Variants in ITPKB observed in about 807,000 individuals in gnomAD.
The protein encoded by ITPKB is IP3 3-kinase B.
Under a neutral mutation model 69.4 loss-of-function variants are expected in ITPKB, and 13 were observed. The observed-to-expected ratio is 0.19, with a 90% confidence interval of 0.12 to 0.30. The LOEUF (loss-of-function observed/expected upper bound fraction) is 0.30, where lower values mean the gene tolerates loss of function less well. Ranked by LOEUF, ITPKB falls within the 10% of genes least tolerant of loss-of-function variation. The pLI, the probability that ITPKB is intolerant of heterozygous loss-of-function variation, is 1.00. For missense variants in ITPKB, 1,240 were observed against 1,250.5 expected, an observed-to-expected ratio of 0.99 and a Z score of 0.13; for synonymous variants, 584 against 513.7, an observed-to-expected ratio of 1.14 and a Z score of -1.85.
At chr1:226,668,727 A>G (rs2102764235) in intron 2 of ITPKB, among the ~76,000 whole-genome samples, 1 of 152,390 alleles carries the variant, frequency 6.6e-6, no homozygotes, top group East Asian at 1.9e-4. Context: ...CAAAATTAAC[A>G]GGAATAAAAA....
intron 2 of ITPKB, among the ~76,000 whole-genome samples, chr1:226,732,993 C>A (rs527640973): frequency 6.6e-6 from 1 of 152,168 alleles, no homozygotes; most frequent in Non-Finnish European, 1.5e-5. Flanking sequence ...AGGCTTAACT[C>A]TGTGGGAAGG....
intron 2 of ITPKB, among the ~76,000 whole-genome samples, chr1:226,693,207 T>C (rs1467358895): frequency 2.0e-5 from 3 of 152,134 alleles, no homozygotes; most frequent in Non-Finnish European, 1.5e-5. Flanking sequence ...GCAGTTTCTG[T>C]TGGGAATAGT....
At chr1:226,696,815 T>C (rs1348431750) in intron 2 of ITPKB, among the ~76,000 whole-genome samples, 2 of 152,212 alleles carry the variant, frequency 1.3e-5, no homozygotes, top group Non-Finnish European at 2.9e-5. Flanking sequence ...AGAGGTGATG[T>C]AGCCCAAGCC....
At chr1:226,704,816 C>G (rs1010842716) in intron 2 of ITPKB, among the ~76,000 whole-genome samples, 1 of 152,230 alleles carries the variant, frequency 6.6e-6, no homozygotes, top group Non-Finnish European at 1.5e-5. Flanking sequence ...ACAGCCTCGA[C>G]TTCATTTGAA....
chr1:226,652,918 C>T (rs1304568218), intron 2 of ITPKB, among the ~76,000 whole-genome samples: 1 of 152,144 alleles, frequency 6.6e-6, no homozygotes, highest in Non-Finnish European at 1.5e-5. Context: ...AGTGGATGTG[C>T]TGGGTTTCTT....
intron 2 of ITPKB, among the ~76,000 whole-genome samples, chr1:226,694,306 A>G (rs2102783104): frequency 6.6e-6 from 1 of 152,352 alleles, no homozygotes; most frequent in East Asian, 1.9e-4. Flanking sequence ...AGCTGTTAGA[A>G]CAACTATACC....
intron 2 of ITPKB, among the ~76,000 whole-genome samples, chr1:226,651,940 A>G (rs931721456): frequency 9.2e-5 from 14 of 152,208 alleles, no homozygotes; most frequent in Non-Finnish European, 1.5e-5. Flanking sequence ...CCACGTGGCC[A>G]AGGCCCTGAG....
chr1:226,725,275 A>C (rs1657374259), intron 2 of ITPKB, among the ~76,000 whole-genome samples: 1 of 152,220 alleles, frequency 6.6e-6, no homozygotes, highest in Non-Finnish European at 1.5e-5. Context: ...AGGTGTCTGC[A>C]GACAAGGGTA....
Position 226,737,588 on chromosome 1 carries a change from G to A in ITPKB, c.-130C>T, listed in dbSNP as rs1412357439. ...CGCGGCTCCGCGCGCAGATGGGGCG[G>A]CATGGCCTGGGCAGCGGGCTGGGGG... On this transcript the variant is annotated 5_prime_UTR_variant, in exon 2 of 8. Coordinates refer to ENST00000429204, the MANE Select transcript of ITPKB (RefSeq NM_002221.4). 10 of 1,189,550 alleles carry A rather than the reference G, an allele frequency of 8.4e-6. No homozygotes were observed. The African/African-American group carries it at 1.3e-4, about 15-fold the overall frequency. 73.7% of individuals were successfully genotyped at this position (1,189,550 alleles called of 1,614,324 possible).
intron 2 of ITPKB, among the ~76,000 whole-genome samples, chr1:226,732,470 T>C (rs1455458626): frequency 2.0e-5 from 3 of 151,936 alleles, no homozygotes; most frequent in Non-Finnish European, 4.4e-5. Flanking sequence ...ACTCCTGACC[T>C]CAAGTGATCC....
At chr1:226,732,602 A>G (rs1289788299) in intron 2 of ITPKB, among the ~76,000 whole-genome samples, 2 of 151,880 alleles carry the variant, frequency 1.3e-5, no homozygotes, top group East Asian at 3.8e-4. Flanking sequence ...AATCAATAAA[A>G]ATCTATTTTT....
At chr1:226,701,612 A>AC (rs1656641524) in intron 2 of ITPKB, among the ~76,000 whole-genome samples, 1 of 148,264 alleles carries the variant, frequency 6.7e-6, no homozygotes, top group African/African-American at 2.4e-5. Flanking sequence ...TCAAAAAAAA[A>AC]AAAAAAAAAA....
At chr1:226,683,645 A>G (rs1009879111) in intron 2 of ITPKB, among the ~76,000 whole-genome samples, 1 of 151,998 alleles carries the variant, frequency 6.6e-6, no homozygotes, top group South Asian at 2.1e-4. Flanking sequence ...ACATGCAACT[A>G]ATCTAAGCTC....
rs1668908688 is a variant in ITPKB, at chr1:226,639,563, G to T, written c.2547C>A (p.Asn849Lys). 2 of 1,604,480 alleles carry T rather than the reference G, an allele frequency of 1.2e-6. No homozygotes were observed. Among genetic ancestry groups the T allele is most frequent in the East Asian group, 4.5e-5 (2 of 44,834 alleles). ...CTGGAGGTGCCAGACTCACCAGGATGTTATGGTTTCCTTTAGTGAACTCTC... is the reference window on the plus strand; with the variant it reads ...CTGGAGGTGCCAGACTCACCAGGATTTTATGGTTTCCTTTAGTGAACTCTC... ...AFREFTKGNH[N>K]ILIAYRDRLK... Residue 849 changes from asparagine to lysine, a missense_variant, in exon 6 of 8, where the codon AAC becomes AAA. Physicochemically the swap from Asn to Lys is moderately conservative, Grantham distance 94. This residue lies in a region of ITPKB where 248 missense variants were observed against 396.7 expected (regional missense o/e 0.63). Coordinates refer to ENST00000429204, the MANE Select transcript of ITPKB (RefSeq NM_002221.4).
intron 2 of ITPKB, among the ~76,000 whole-genome samples, chr1:226,722,797 C>T (rs1448577759): frequency 2.6e-5 from 4 of 152,256 alleles, no homozygotes; most frequent in East Asian, 3.9e-4. Flanking sequence ...AAAGGGGCAA[C>T]GTCTCAAAAC....
Position 226,642,012 on chromosome 1 carries a change from G to A in ITPKB, c.2360C>T (p.Ala787Val), listed in dbSNP as rs1390942767. ...DPEAPTEEEK[A>V]QRAVTKPRYM... ...CCGTGGCTTGGTCACAGCCCGCTGTGCTTTTTCCTCCTCGGTGGGGGCCTC... is the reference window on the plus strand; with the variant it reads ...CCGTGGCTTGGTCACAGCCCGCTGTACTTTTTCCTCCTCGGTGGGGGCCTC... The change falls in exon 5 of 8, where the codon GCA becomes GTA. Residue 787 changes from alanine (A) to valine (V), a missense_variant. This residue lies in a region of ITPKB where 248 missense variants were observed against 396.7 expected (regional missense o/e 0.63). Transcript: ENST00000429204. This position sits in a 1 kb window ranked among gnomAD's most constrained non-coding sequence, Gnocchi z 6.4. 15 of 1,614,120 alleles carry A rather than the reference G, an allele frequency of 9.3e-6. No individual in the cohort carries two copies. The highest frequency in any genetic ancestry group is 1.3e-5 in the Non-Finnish European group (15 of 1,180,052).
chr1:226,646,790 G>T (rs1669071450), intron 4 of ITPKB, among the ~76,000 whole-genome samples: 1 of 152,166 alleles, frequency 6.6e-6, no homozygotes, highest in African/African-American at 2.4e-5. Context: ...CACACAGCAG[G>T]AAGTCACCAT....
intron 2 of ITPKB, among the ~76,000 whole-genome samples, chr1:226,721,261 T>C (rs1657232737): frequency 7.1e-6 from 1 of 140,934 alleles, no homozygotes; most frequent in Non-Finnish European, 1.5e-5. Flanking sequence ...GGCAGGAGAA[T>C]CGCTTGAACC....
chr1:226,706,456 A>G (rs961258622), intron 2 of ITPKB, among the ~76,000 whole-genome samples: 3 of 152,056 alleles, frequency 2.0e-5, no homozygotes, highest in Non-Finnish European at 4.4e-5. Flanking sequence ...AAACCTGAAG[A>G]CTGTGGGCTA....
Sources: allele counts gnomAD v4.1 joint callset (sites outside exome capture counted in the v4.1 genomes callset), GRCh38; gene constraint gnomAD v4.1.1; regional missense constraint gnomAD v4.1.1; non-coding constraint Gnocchi (gnomAD v3.1); transcripts MANE v1.5; gene names NCBI Gene and HGNC (gene_info 2026-07-23, HGNC 2026-07-21).